UNC13C: variants seen among roughly 807,000 people sequenced by gnomAD.
UNC13C encodes the protein unc-13 homolog C, also known as protein unc-13 homolog C.
UNC13C carries 174 observed loss-of-function variants against 245.4 expected under a neutral mutation model. The observed-to-expected ratio is 0.71, with a 90% CI of 0.63 to 0.80. The LOEUF is 0.80. Among genes scored for constraint, UNC13C ranks in the 30% least tolerant of loss-of-function variants. The pLI is 0.00. For synonymous variants in UNC13C, 992 were observed against 895.1 expected, an observed-to-expected ratio of 1.11 and a Z score of -1.93; for missense variants, 2,829 against 2,602.9, an observed-to-expected ratio of 1.09 and a Z score of -1.89.
At chr15:54,625,507 C>A (rs901138896) in intron 32 of UNC13C, among the ~76,000 whole-genome samples, 1 of 151,966 alleles carries the variant, frequency 6.6e-6, no homozygotes, top group Non-Finnish European at 1.5e-5. Context: ...TTTGGTGATG[C>A]CTGTCAGACT....
chr15:54,242,604 T>A (rs891381549), intron 7 of UNC13C, among the ~76,000 whole-genome samples: 3 of 152,168 alleles, frequency 2.0e-5, no homozygotes, highest in African/African-American at 7.2e-5. Context: ...TTATTTATGC[T>A]CTTGTCATTT....
intron 19 of UNC13C, among the ~76,000 whole-genome samples, chr15:54,474,521 A>G (rs1310809239): frequency 1.3e-5 from 2 of 151,312 alleles, no homozygotes; most frequent in African/African-American, 4.9e-5. Context: ...TAATGTAATT[A>G]TTTGTTGTGT....
In UNC13C at chr15:54,293,891, T is replaced by G. The variant is rs1167185764; in HGVS notation, c.3819-4T>G. 3 of 1,534,118 alleles carry G rather than the reference T, an allele frequency of 2.0e-6. No homozygotes were observed. The highest frequency in any genetic ancestry group is 2.6e-6 in the Non-Finnish European group (3 of 1,145,968). ...GTTGTTAACTTATCCACATTTATTT[T>G]CAGTGAGTGTCATAACTCCACAGAT... On this transcript the variant is annotated splice_region_variant and splice_polypyrimidine_tract_variant and intron_variant, in intron 10 of 32. Transcript: ENST00000260323.
chr15:54,047,208 G>A lies in UNC13C; in HGVS notation c.2983+31322G>A, dbSNP rs575675409. Reference sequence around the variant, plus strand: ...CCATCTCAAGTCAGGAAAGGAGTGAGGAGAAGCCTTCTTACCCATTTTAGG... The same window carrying A: ...CCATCTCAAGTCAGGAAAGGAGTGAAGAGAAGCCTTCTTACCCATTTTAGG... On this transcript the variant is annotated intron_variant, in intron 2 of 32. Coordinates refer to ENST00000260323, the MANE Select transcript of UNC13C (RefSeq NM_001080534.3). Among the ~76,000 whole-genome samples, 7 of 152,102 alleles carry A rather than the reference G, an allele frequency of 4.6e-5. No individual in the cohort carries two copies. The South Asian group carries it at 1.2e-3, about 27-fold the overall frequency.
Position 54,235,074 on chromosome 15 carries a change from G to A in UNC13C, c.3116G>A (p.Arg1039His), listed in dbSNP as rs751339807. 2.0e-5 allele frequency: 33 copies of A among 1,613,566 alleles called. No homozygotes were observed. Among genetic ancestry groups the A allele is most frequent in the Admixed American group, 6.7e-5 (4 of 59,986 alleles). ...LYGIDSMPDL[R>H]RKKTLPIVRD... The stretch of plus-strand genomic sequence containing the variant: ...GGTATTGACAGCATGCCGGATCTTC[G>A]CAGAAAAAAAACTTTGCCTATTGTC... Residue 1039 changes from arginine (R) to histidine (H), a missense_variant, in exon 5 of 33, where the codon CGC becomes CAC. By Grantham distance (29) the Arg-to-His change is conservative. Transcript: ENST00000260323.
intron 26 of UNC13C, among the ~76,000 whole-genome samples, chr15:54,534,877 C>T (rs750552772): frequency 4.6e-5 from 7 of 152,146 alleles, no homozygotes; most frequent in Non-Finnish European, 8.8e-5. Flanking sequence ...ATTTGTTACC[C>T]TAGACCTGCC....
chr15:54,439,125 A>G (rs1056427141), intron 19 of UNC13C, among the ~76,000 whole-genome samples: 2 of 151,964 alleles, frequency 1.3e-5, no homozygotes, highest in Non-Finnish European at 2.9e-5. Context: ...CTGCTGCTGT[A>G]TAAAATCCAT....
intron 2 of UNC13C, among the ~76,000 whole-genome samples, chr15:54,028,975 G>C (rs569688563): frequency 6.0e-4 from 92 of 152,224 alleles, no homozygotes; most frequent in Non-Finnish European, 1.1e-3. Flanking sequence ...CAGTAGGGAG[G>C]CAACCTACCT....
the UNC13C span, among the ~76,000 whole-genome samples, chr15:53,956,791 G>A: frequency 6.6e-6 from 1 of 151,590 alleles, no homozygotes; most frequent in Non-Finnish European, 1.5e-5. Flanking sequence ...ACGGAGAGAA[G>A]GATTATCAGA....
intron 1 of UNC13C, among the ~76,000 whole-genome samples, chr15:53,988,561 C>G (rs1382812513): frequency 1.3e-5 from 2 of 151,904 alleles, no homozygotes; most frequent in Non-Finnish European, 2.9e-5. Flanking sequence ...AATATGAATA[C>G]AGAATTATAA....
At chr15:54,317,152 C>T (rs888141839) in intron 13 of UNC13C, among the ~76,000 whole-genome samples, 3 of 151,858 alleles carry the variant, frequency 2.0e-5, no homozygotes, top group Non-Finnish European at 2.9e-5. Context: ...ATTATAATTA[C>T]TATTTGACTA....
intron 30 of UNC13C, among the ~76,000 whole-genome samples, chr15:54,601,756 A>G (rs948990640): frequency 1.3e-5 from 2 of 152,128 alleles, no homozygotes; most frequent in African/African-American, 2.4e-5. Flanking sequence ...TAAATTTAGC[A>G]ACAGGAAGAA....
intron 18 of UNC13C, among the ~76,000 whole-genome samples, chr15:54,407,989 C>G (rs1482005938): frequency 6.6e-6 from 1 of 151,788 alleles, no homozygotes; most frequent in Non-Finnish European, 1.5e-5. Context: ...ATCATGAGGT[C>G]AGGAGATCGA....
At chr15:54,272,285 C>A (rs1379141257) in intron 10 of UNC13C, among the ~76,000 whole-genome samples, 1 of 152,052 alleles carries the variant, frequency 6.6e-6, no homozygotes, top group Non-Finnish European at 1.5e-5. Context: ...TCCACCGTGC[C>A]ATGTGCTGCT....
chr15:54,399,498 A>T (rs370395453), intron 18 of UNC13C, among the ~76,000 whole-genome samples: 8 of 151,848 alleles, frequency 5.3e-5, no homozygotes, highest in Non-Finnish European at 1.0e-4. Flanking sequence ...AATATCTTTC[A>T]TCCATTCTGT....
chr15:54,106,747 G>A (rs1199453745), intron 2 of UNC13C, among the ~76,000 whole-genome samples: 2 of 152,130 alleles, frequency 1.3e-5, no homozygotes, highest in South Asian at 4.1e-4. Context: ...ATATGACTCA[G>A]TTTAAAACCG....
In UNC13C at chr15:54,342,770, T is replaced by C. The variant is rs531098300; in HGVS notation, c.4713+4281T>C. Among the ~76,000 whole-genome samples the C allele has an allele frequency of 8.4e-4, 127 of 150,452 alleles. 4 individuals are homozygous for C. In the South Asian group the frequency reaches 0.026, roughly 31 times the overall value. ...TCATATAGTATATTTCTGGGGTCAC[T>C]GTTTTTTGTTTTTGTTTTTGTTTTT... On this transcript the variant is annotated intron_variant, in intron 17 of 32. Transcript: ENST00000260323.
chr15:54,455,880 C>A (rs1484085542), intron 19 of UNC13C, among the ~76,000 whole-genome samples: 1 of 152,032 alleles, frequency 6.6e-6, no homozygotes. Flanking sequence ...TTAATTAAAT[C>A]CCATCTATAT....
At chr15:53,916,493 A>G in the UNC13C span, among the ~76,000 whole-genome samples, 3 of 152,212 alleles carry the variant, frequency 2.0e-5, no homozygotes, top group African/African-American at 4.8e-5. Context: ...AACAAACCAG[A>G]GAGAGAATGG....
Sources: gnomAD v4.1 joint callset for allele counts (sites outside exome capture counted in the v4.1 genomes callset) on GRCh38, gnomAD v4.1.1 for gene constraint, MANE v1.5 for transcripts, NCBI Gene and HGNC (gene_info 2026-07-23, HGNC 2026-07-21) for gene names.